CNTN4: variants seen among roughly 807,000 people sequenced by gnomAD.
The protein encoded by CNTN4 is contactin-4.
CNTN4 carries 77 observed loss-of-function variants against 122.5 expected under a neutral mutation model. The observed-to-expected ratio is 0.63, with a 90% confidence interval of 0.52 to 0.76. The LOEUF (loss-of-function observed/expected upper bound fraction) is 0.76. Ranked by LOEUF, CNTN4 falls within the 30% of genes least tolerant of loss-of-function variation. CNTN4 has a pLI of 0.00. For synonymous variants in CNTN4, 512 were observed against 447.0 expected (o/e 1.15, Z -1.83); for missense variants, 1,256 against 1,259.1 (o/e 1.00, Z 0.04).
chr3:2,832,016 G>A (rs1184799945), intron 7 of CNTN4, among the ~76,000 whole-genome samples: 3 of 152,228 alleles, frequency 2.0e-5, no homozygotes, highest in Non-Finnish European at 4.4e-5. Context: ...AGGTAGCTAT[G>A]ACAGCTCTCT....
intron 3 of CNTN4, among the ~76,000 whole-genome samples, chr3:2,398,624 C>T (rs566076196): frequency 4.6e-5 from 7 of 152,024 alleles, no homozygotes; most frequent in Non-Finnish European, 1.0e-4. Context: ...TAGATTTAGA[C>T]CTGAATTAAC....
rs1037405854 is a variant in CNTN4, at chr3:2,988,399, C to T, written c.1413C>T (p.Asp471=). The change falls in exon 14 of 25, where the codon GAC becomes GAT. Residue 471 remains aspartate, a synonymous_variant. Transcript: ENST00000418658. ...GAATCATCAACGTTACTAAATCAGACGCTGGGAGTTATACCTGTATAGCCA... is the reference window on the plus strand; with the variant it reads ...GAATCATCAACGTTACTAAATCAGATGCTGGGAGTTATACCTGTATAGCCA... ...NLRIINVTKS[D]AGSYTCIATN... 9.3e-6 allele frequency: 15 copies of T among 1,613,684 alleles called. No homozygotes were observed. Among genetic ancestry groups the T allele is most frequent in the East Asian group, 4.5e-5 (2 of 44,824 alleles).
Position 3,042,409 on chromosome 3 carries a change from T to C in CNTN4, c.2498T>C (p.Ile833Thr). The C allele has an allele frequency of 6.2e-7, 1 of 1,610,194 alleles. No homozygotes were observed. Among genetic ancestry groups the C allele is most frequent in the Non-Finnish European group, 8.5e-7 (1 of 1,176,414 alleles). The change falls in exon 21 of 25, where the codon ATA becomes ACA. Residue 833 changes from isoleucine to threonine, a missense_variant. Transcript: ENST00000418658. ...ASPLEKNRGR[I>T]QGYEVKYWRH... ...CCACTGGAGAAGAATAGAGGACGAA[T>C]ACAAGGTTATGAGGTAGGCAAGACA...
intron 6 of CNTN4, among the ~76,000 whole-genome samples, chr3:2,795,520 C>CTT (rs11329789): frequency 2.9e-5 from 4 of 139,110 alleles, no homozygotes; most frequent in Admixed American, 1.5e-4. Flanking sequence ...AAATGGGTAT[C>CTT]TTTTTTTTTT....
intron 6 of CNTN4, among the ~76,000 whole-genome samples, chr3:2,814,966 A>G (rs1346004612): frequency 6.6e-6 from 1 of 152,220 alleles, no homozygotes; most frequent in African/African-American, 2.4e-5. Context: ...GTGACAGAGC[A>G]TTATCCATAA....
At chr3:2,785,668 A>C (rs981456313) in intron 6 of CNTN4, among the ~76,000 whole-genome samples, 1 of 152,242 alleles carries the variant, frequency 6.6e-6, no homozygotes, top group Non-Finnish European at 1.5e-5. Context: ...ATGAGTGGTC[A>C]GGAAAACCCC....
chr3:2,747,211 C>A (rs1028969084), intron 6 of CNTN4, among the ~76,000 whole-genome samples: 1 of 151,888 alleles, frequency 6.6e-6, no homozygotes. Flanking sequence ...AGATCGAGAC[C>A]ATCCTGGCTA....
intron 4 of CNTN4, among the ~76,000 whole-genome samples, chr3:2,729,406 G>A (rs1001546653): frequency 2.0e-5 from 3 of 150,784 alleles, no homozygotes; most frequent in Non-Finnish European, 4.4e-5. Flanking sequence ...TTAGCCGGGC[G>A]TGGTGGCAGG....
At position 2,764,308 on chromosome 3, in the gene CNTN4, G is replaced by T. The variant is rs539674402; in HGVS notation, c.358+18611G>T. 3.1e-4 allele frequency among the ~76,000 whole-genome samples: 47 copies of T among 152,322 alleles called. 3 individuals are homozygous for T. In the South Asian group the frequency reaches 9.7e-3, roughly 32 times the overall value. On this transcript the variant is annotated intron_variant, in intron 6 of 24. Coordinates refer to ENST00000418658, the MANE Select transcript of CNTN4 (RefSeq NM_175607.3). ...GTGACAAAGGAAATTAACATAGAGA[G>T]CATTAAGAAAAACTTCACTAAGAAA...
intron 2 of CNTN4, among the ~76,000 whole-genome samples, chr3:2,163,143 A>G (rs1002063966): frequency 1.3e-5 from 2 of 152,228 alleles, no homozygotes; most frequent in African/African-American, 2.4e-5. Context: ...TGGTACTGGT[A>G]TAAAAATAGC....
At chr3:2,746,742 T>A (rs2089792388) in intron 6 of CNTN4, among the ~76,000 whole-genome samples, 1 of 152,200 alleles carries the variant, frequency 6.6e-6, no homozygotes, top group Non-Finnish European at 1.5e-5. Flanking sequence ...TTTTATAAGT[T>A]GGGAAATGAA....
intron 4 of CNTN4, among the ~76,000 whole-genome samples, chr3:2,659,295 C>A (rs1026349330): frequency 6.6e-6 from 1 of 151,860 alleles, no homozygotes; most frequent in Non-Finnish European, 1.5e-5. Flanking sequence ...AACCCCGTCT[C>A]TACTAAAAAT....
chr3:2,178,910 A>G (rs1037582102), intron 2 of CNTN4, among the ~76,000 whole-genome samples: 4 of 152,072 alleles, frequency 2.6e-5, no homozygotes, highest in Non-Finnish European at 5.9e-5. Flanking sequence ...ATACGACCAA[A>G]AAATCTGCAA....
At chr3:2,969,577 CAG>C (rs1406321005) in intron 13 of CNTN4, among the ~76,000 whole-genome samples, 1 of 151,706 alleles carries the variant, frequency 6.6e-6, no homozygotes, top group African/African-American at 2.4e-5. Context: ...GCAGGCAATA[CAG>C]TAGATGTCCA....
chr3:2,613,175 C>T (rs869174812), intron 4 of CNTN4, among the ~76,000 whole-genome samples: 1 of 151,904 alleles, frequency 6.6e-6, no homozygotes, highest in Non-Finnish European at 1.5e-5. Context: ...TCTAAGCACA[C>T]GTGGAGACTC....
intron 3 of CNTN4, among the ~76,000 whole-genome samples, chr3:2,445,083 T>A (rs987957589): frequency 6.6e-6 from 1 of 152,190 alleles, no homozygotes; most frequent in African/African-American, 2.4e-5. Context: ...AGTGTCCATT[T>A]AAGCCTACTT....
chr3:2,150,572 C>G (rs113995942), intron 2 of CNTN4, among the ~76,000 whole-genome samples: 2,455 of 152,284 alleles, frequency 0.016, 78 homozygotes, highest in African/African-American at 0.056. Flanking sequence ...GCAGCTACTT[C>G]AAAGCTATCT....
chr3:2,782,523 G>T lies in CNTN4; in HGVS notation c.358+36826G>T, dbSNP rs1157829654. Among the ~76,000 whole-genome samples the T allele has an allele frequency of 2.1e-5, 3 of 144,540 alleles. No individual in the cohort carries two copies. The East Asian group carries it at 6.2e-4, about 30-fold the overall frequency. 94.8% of individuals were successfully genotyped at this position (144,540 alleles called of 152,430 possible). A position where few individuals can be genotyped will look rare whatever the true frequency, so the allele number is the denominator to read the frequency against. On this transcript the variant is annotated intron_variant, in intron 6 of 24. Transcript: ENST00000418658. Reference sequence around the variant, plus strand: ...TGTGTGTGTGTGTGTGTGTTTTAATGGGAAGGAAACCACAGTTTCTAAATG... The same window carrying T: ...TGTGTGTGTGTGTGTGTGTTTTAATTGGAAGGAAACCACAGTTTCTAAATG...
chr3:2,485,328 G>A (rs760010346), intron 3 of CNTN4, among the ~76,000 whole-genome samples: 2 of 152,364 alleles, frequency 1.3e-5, no homozygotes, highest in Non-Finnish European at 2.9e-5. Flanking sequence ...GGCCAACTCC[G>A]CCTGTGGCCC....
Sources: allele counts gnomAD v4.1 joint callset (sites outside exome capture counted in the v4.1 genomes callset), GRCh38; gene constraint gnomAD v4.1.1; transcripts MANE v1.5; gene names NCBI Gene and HGNC (gene_info 2026-07-23, HGNC 2026-07-21).